The following FANCA variants were observed in gnomAD, a reference collection of about 807,000 sequenced individuals.
The protein encoded by FANCA is Fanconi anemia group A protein.
Under a neutral mutation model 194.3 loss-of-function variants are expected in FANCA, and 236 were observed. That is an observed-to-expected ratio of 1.21 (90% CI 1.09 to 1.35). The LOEUF is 1.35. Among genes scored for constraint, FANCA ranks in the 40% most tolerant of loss-of-function variants. The pLI is 0.00. For synonymous variants in FANCA, 1,014 were observed against 715.8 expected (o/e 1.42, Z -6.65); for missense variants, 2,628 against 1,813.9 (o/e 1.45, Z -8.15).
intron 5 of FANCA, among the ~76,000 whole-genome samples, chr16:89,808,767 G>T (rs750384692): frequency 6.6e-6 from 1 of 152,102 alleles, no homozygotes; most frequent in Non-Finnish European, 1.5e-5. Flanking sequence ...TGTGCCCTGT[G>T]CATGTCCCTT....
Position 89,770,033 on chromosome 16 carries a change from A to C in FANCA, c.2317-9T>G. 2 of 1,612,794 alleles carry C rather than the reference A, an allele frequency of 1.2e-6. No homozygotes were observed. The highest frequency in any genetic ancestry group is 1.7e-6 in the Non-Finnish European group (2 of 1,179,722). ...GCACTCAGGCTCGGGCCCTGCAACG[A>C]GAATGAGGGTGGCAGAGCAGACTGC... is the stretch of plus-strand genomic sequence containing the variant. On this transcript the variant is annotated splice_polypyrimidine_tract_variant and intron_variant, in intron 25 of 42. Transcript: ENST00000389301.
intron 3 of FANCA, among the ~76,000 whole-genome samples, chr16:89,812,323 G>C (rs184939350): frequency 5.3e-5 from 8 of 150,738 alleles, no homozygotes; most frequent in African/African-American, 2.0e-4. Flanking sequence ...GGGCGACAGA[G>C]CCAGACTTCA....
At chr16:89,793,546 G>T (rs559625869) in intron 11 of FANCA, among the ~76,000 whole-genome samples, 25 of 151,920 alleles carry the variant, frequency 1.6e-4, no homozygotes, top group Non-Finnish European at 2.4e-4. Context: ...TATTATACTA[G>T]AACAGCTCGT....
chr16:89,760,519 T>TA lies in FANCA; in HGVS notation c.2852+1429dup, dbSNP rs1345646315. Among the ~76,000 whole-genome samples the TA allele has an allele frequency of 2.0e-5, 3 of 152,112 alleles. No homozygotes were observed. The East Asian group carries it at 5.8e-4, about 29-fold the overall frequency. On this transcript the variant is annotated intron_variant, in intron 29 of 42. Coordinates refer to ENST00000389301, the MANE Select transcript of FANCA (RefSeq NM_000135.4). ...TGTGGCAGGCACCCTGAGGCCCATATACCCACCAGGATACTCCATATCTGC... is the reference window on the plus strand; with the variant it reads ...TGTGGCAGGCACCCTGAGGCCCATATAACCCACCAGGATACTCCATATCTGC...
rs200232122 is a variant in FANCA, at chr16:89,749,719, G to A, written c.3239+11C>T. 5 of 1,612,284 alleles carry A rather than the reference G, an allele frequency of 3.1e-6. No homozygotes were observed. The African/African-American group carries it at 4.0e-5, about 13-fold the overall frequency. ...GTGGTGCTGCCCTGCCCAGGTGGTA[G>A]TAGGTGTTACCGTTTGTACATTAGC... On this transcript the variant is annotated intron_variant, in intron 32 of 42. Coordinates refer to ENST00000389301, the MANE Select transcript of FANCA (RefSeq NM_000135.4).
chr16:89,765,848 A>C (rs1460727075), intron 27 of FANCA, among the ~76,000 whole-genome samples: 1 of 152,208 alleles, frequency 6.6e-6, no homozygotes, highest in Non-Finnish European at 1.5e-5. Context: ...TCCTCAGAGG[A>C]AATAACTGGA....
intron 25 of FANCA, 66 bp from the exon 26 acceptor site, chr16:89,770,090 G>T: frequency 6.3e-7 from 1 of 1,585,256 alleles, no homozygotes; most frequent in Non-Finnish European, 8.6e-7. Flanking sequence ...CCAGGGCACT[G>T]AAGACGAATT....
Position 89,770,151 on chromosome 16 carries a change from G to T in FANCA, c.2316+15C>A, listed in dbSNP as rs1389902558. 2.5e-6 allele frequency: 4 copies of T among 1,579,650 alleles called. No homozygotes were observed. The highest frequency in any genetic ancestry group is 3.7e-5 in the Admixed American group (2 of 53,548). On this transcript the variant is annotated intron_variant, in intron 25 of 42. Transcript: ENST00000389301. The stretch of plus-strand genomic sequence containing the variant: ...GTGGGCCCCCAAGGGTGGCCCCCAT[G>T]AAGGAGAGCCTCACCTGGTGACGGA...
At chr16:89,780,078 A>G (rs528364208) in intron 17 of FANCA, 121 bp from the exon 18 acceptor site, 1 of 894,860 alleles carries the variant, frequency 1.1e-6, no homozygotes, top group African/African-American at 1.6e-5. Context: ...ATTAAAGGTA[A>G]AGGCCCACAT....
At chr16:89,812,655 A>AAAAAAAAAAAAAAAAAC (rs2040936457) in intron 3 of FANCA, among the ~76,000 whole-genome samples, 1 of 125,312 alleles carries the variant, frequency 8.0e-6, no homozygotes, top group Admixed American at 8.1e-5. Flanking sequence ...TCAAAAAAAA[A>AAAAAAAAAAAAAAAAAC]AAAAAAAAAA....
chr16:89,774,296 G>C (rs1598118025), intron 21 of FANCA, among the ~76,000 whole-genome samples: 1 of 152,022 alleles, frequency 6.6e-6, no homozygotes, highest in Non-Finnish European at 1.5e-5. Context: ...GCCACCAAAA[G>C]CTACGAACAA....
intron 8 of FANCA, among the ~76,000 whole-genome samples, chr16:89,802,029 A>G (rs1210439890): frequency 6.6e-6 from 1 of 152,264 alleles, no homozygotes; most frequent in Non-Finnish European, 1.5e-5. Context: ...CACTATTAAC[A>G]ATAGCCAAGA....
intron 33 of FANCA, among the ~76,000 whole-genome samples, chr16:89,747,354 T>A (rs908629358): frequency 9.2e-5 from 14 of 152,186 alleles, no homozygotes; most frequent in African/African-American, 3.4e-4. Flanking sequence ...AAGGAGACCA[T>A]AGTGATTTTC....
At chr16:89,752,024 C>T in intron 31 of FANCA, 114 bp downstream of exon 31, 1 of 881,886 alleles carries the variant, frequency 1.1e-6, no homozygotes, top group Non-Finnish European at 1.9e-6. Flanking sequence ...CCTGCCTCGG[C>T]CTCCCAAAGT....
At chr16:89,780,007 A>G (rs1482973646) in intron 17 of FANCA, 50 bp from the exon 18 acceptor site, 2 of 1,545,410 alleles carry the variant, frequency 1.3e-6, no homozygotes, top group South Asian at 2.2e-5. Flanking sequence ...ACTTTAAAGA[A>G]AAGACTGAGC....
At chr16:89,742,718 C>T in intron 37 of FANCA, 82 bp downstream of exon 37, 1 of 1,207,298 alleles carries the variant, frequency 8.3e-7, no homozygotes, top group South Asian at 1.2e-5. Flanking sequence ...AAAAACAGTT[C>T]ATCAGACAAG....
At chr16:89,762,635 T>C (rs1384804871) in intron 28 of FANCA, 5 of 285,066 alleles carry the variant, frequency 1.8e-5, no homozygotes, top group Non-Finnish European at 3.6e-5. Flanking sequence ...CACAGTAGCA[T>C]ACCTTCATTT....
Position 89,737,577 on chromosome 16 carries a change from TAA to T in FANCA, c.*1022_*1023del. The T allele has an allele frequency of 1.3e-6, 1 of 756,012 alleles. No individual in the cohort carries two copies. Among genetic ancestry groups the T allele is most frequent in the Non-Finnish European group, 2.0e-6 (1 of 504,404 alleles). 46.8% of individuals were successfully genotyped at this position (756,012 alleles called of 1,614,324 possible). A position where few individuals can be genotyped will look rare whatever the true frequency, so the allele number is the denominator to read the frequency against. On this transcript the variant is annotated 3_prime_UTR_variant, in exon 43 of 43. Coordinates refer to ENST00000389301, the MANE Select transcript of FANCA (RefSeq NM_000135.4). ...AGGAAATAGCTTTCTGAGGTTTCTT[TAA>T]AAACCATCCTGAAATGCACACAGCT...
At chr16:89,786,282 C>G (rs983535985) in intron 14 of FANCA, among the ~76,000 whole-genome samples, 5 of 152,276 alleles carry the variant, frequency 3.3e-5, no homozygotes, top group African/African-American at 1.2e-4. Context: ...CTCCCAGGTT[C>G]AAACGATTCT....
Sources: allele counts gnomAD v4.1 joint callset (sites outside exome capture counted in the v4.1 genomes callset), GRCh38; gene constraint gnomAD v4.1.1; transcripts MANE v1.5; gene names NCBI Gene and HGNC (gene_info 2026-07-23, HGNC 2026-07-21).